Variants in ZSWIM5 observed in about 807,000 individuals in gnomAD.
ZSWIM5 encodes zinc finger SWIM domain-containing protein 5.
ZSWIM5 carries 55 observed loss-of-function variants against 119.6 expected under a neutral mutation model. The ratio of observed to expected loss-of-function variants is 0.46; its 90% CI spans 0.37 to 0.58. The LOEUF (loss-of-function observed/expected upper bound fraction) is 0.58, where lower values mean the gene tolerates loss of function less well. ZSWIM5 is among the 20% of genes least tolerant of loss of function. The probability of loss-of-function intolerance (pLI) is 0.00; values close to 1 mark genes in which losing one functional copy is unlikely to be tolerated. For missense variants in ZSWIM5, 1,193 were observed against 1,512.8 expected (o/e 0.79, Z 3.51); for synonymous variants, 537 against 606.9 (o/e 0.88, Z 1.69).
At chr1:45,097,991 A>T (rs775830637) in intron 1 of ZSWIM5, among the ~76,000 whole-genome samples, 13 of 152,224 alleles carry the variant, frequency 8.5e-5, no homozygotes, top group Non-Finnish European at 1.5e-4. Context: ...TTGAGGAAAT[A>T]ATATTTTGTC....
At chr1:45,104,836 G>A (rs1296913291) in intron 1 of ZSWIM5, among the ~76,000 whole-genome samples, 11 of 152,164 alleles carry the variant, frequency 7.2e-5, no homozygotes, top group Admixed American at 7.2e-4. Context: ...CTCAGCACCA[G>A]CTTCAGCAGC....
At chr1:45,192,521 G>A (rs1283599617) in intron 1 of ZSWIM5, among the ~76,000 whole-genome samples, 1 of 152,136 alleles carries the variant, frequency 6.6e-6, no homozygotes, top group African/African-American at 2.4e-5. Flanking sequence ...AAGGAAGGAA[G>A]GAAGGAAAAT....
intron 1 of ZSWIM5, among the ~76,000 whole-genome samples, chr1:45,149,079 G>A (rs1414492566): frequency 6.6e-6 from 1 of 152,036 alleles, no homozygotes; most frequent in East Asian, 1.9e-4. Context: ...GACCAGCCTG[G>A]GCAATATAGT....
chr1:45,206,495 G>A lies in ZSWIM5; in HGVS notation c.-145C>T, dbSNP rs1483269961. ...AGAGAACCCGCGAGCCAGCCGGCCCGAGTGGGGAACCGCGGCCGGGCCCGG... is the reference window on the plus strand; with the variant it reads ...AGAGAACCCGCGAGCCAGCCGGCCCAAGTGGGGAACCGCGGCCGGGCCCGG... On this transcript the variant is annotated 5_prime_UTR_variant, in exon 1 of 14. Transcript: ENST00000359600. The A allele has an allele frequency of 7.8e-6, 9 of 1,149,390 alleles. No homozygotes were observed. Among genetic ancestry groups the A allele is most frequent in the Non-Finnish European group, 6.4e-6 (6 of 936,248 alleles). 71.2% of individuals were successfully genotyped at this position (1,149,390 alleles called of 1,614,324 possible).
At chr1:45,160,822 A>T (rs1570164862) in intron 1 of ZSWIM5, among the ~76,000 whole-genome samples, 1 of 127,002 alleles carries the variant, frequency 7.9e-6, no homozygotes, top group Non-Finnish European at 1.6e-5. Flanking sequence ...TGCCTGGGTA[A>T]TTTTTTTTTT....
intron 1 of ZSWIM5, among the ~76,000 whole-genome samples, chr1:45,201,553 CAA>C (rs532855443): frequency 8.6e-5 from 13 of 152,046 alleles, no homozygotes; most frequent in African/African-American, 2.2e-4. Context: ...ATTATTGAAA[CAA>C]GAGAAATAAA....
chr1:45,160,915 G>A (rs868867939), intron 1 of ZSWIM5, among the ~76,000 whole-genome samples: 6 of 150,098 alleles, frequency 4.0e-5, no homozygotes, highest in African/African-American at 1.5e-4. Context: ...TCCGCCTCCC[G>A]GGTTCACGCC....
At chr1:45,143,856 A>G (rs1356934577) in intron 1 of ZSWIM5, among the ~76,000 whole-genome samples, 1 of 151,600 alleles carries the variant, frequency 6.6e-6, no homozygotes, top group Non-Finnish European at 1.5e-5. Flanking sequence ...TGCTAGCAAT[A>G]TACAAATACA....
chr1:45,125,094 C>T (rs1277406647), intron 1 of ZSWIM5, among the ~76,000 whole-genome samples: 2 of 152,196 alleles, frequency 1.3e-5, no homozygotes, highest in South Asian at 2.1e-4. Context: ...AGAATTCAAT[C>T]GATATTTATA....
rs367878283 is a variant in ZSWIM5 at position 45,020,678 on chromosome 1, C to T, written c.2560G>A (p.Asp854Asn). 1.5e-5 allele frequency: 24 copies of T among 1,613,962 alleles called. No individual in the cohort carries two copies. Among genetic ancestry groups the T allele is most frequent in the Admixed American group, 1.7e-5 (1 of 60,004 alleles). Reference sequence around the variant, plus strand: ...AGCAGGGTGCTGTCAGTACTACTGTCGGTGGGAGTAGCAATCTTGAATGCA... The same window carrying T: ...AGCAGGGTGCTGTCAGTACTACTGTTGGTGGGAGTAGCAATCTTGAATGCA... ...QDAFKIATPT[D>N]SSTDSTLLNV... The change falls in exon 12 of 14, where the codon GAC becomes AAC. Residue 854 changes from aspartate (D) to asparagine (N), a missense_variant. Asp to Asn is a conservative substitution (Grantham distance 23). Around this residue, in one of 2 missense-constraint regions of ZSWIM5, gnomAD observed 961 missense variants for 1,290.0 expected, o/e 0.74. Coordinates refer to ENST00000359600, the MANE Select transcript of ZSWIM5 (RefSeq NM_020883.2).
rs547587582 is a variant in ZSWIM5 at position 45,195,865 on chromosome 1, TTC to T, written c.595+9889_595+9890del. ...ATAACACTAATAAAGGTGTTAATTT[TTC>T]TTTTTCTTTTTTTTTTTTTTAGACA... On this transcript the variant is annotated intron_variant, in intron 1 of 13. Transcript: ENST00000359600. Among the ~76,000 whole-genome samples, 965 of 151,518 alleles carry T rather than the reference TTC, an allele frequency of 6.4e-3. 5 individuals are homozygous for T. Among genetic ancestry groups the T allele is most frequent in the Non-Finnish European group, 0.01 (708 of 67,890 alleles).
In ZSWIM5 at chr1:45,060,052, A is replaced by C. The variant is rs111723906; in HGVS notation, c.1101+47T>G. 2,324 of 1,608,752 alleles carry C rather than the reference A, an allele frequency of 1.4e-3. 30 individuals are homozygous for C. In the African/African-American group the frequency reaches 0.029, roughly 20 times the overall value. On this transcript the variant is annotated intron_variant, in intron 3 of 13. Transcript: ENST00000359600. ...AGTGTGGTGTGCCCAGTCTGACTTA[A>C]GCTTCTTTTGTCAACAACAAAAGAA... is the stretch of plus-strand genomic sequence containing the variant.
At chr1:45,099,590 C>T (rs867256576) in intron 1 of ZSWIM5, among the ~76,000 whole-genome samples, 8 of 151,984 alleles carry the variant, frequency 5.3e-5, no homozygotes, top group African/African-American at 1.2e-4. Context: ...GGCAGAGACA[C>T]ACAAAAAAAG....
rs538315377 is a variant in ZSWIM5, at chr1:45,072,413, C to T, written c.953-12166G>A. 2.6e-5 allele frequency among the ~76,000 whole-genome samples: 4 copies of T among 152,060 alleles called. No individual in the cohort carries two copies. In the East Asian group the frequency reaches 7.7e-4, roughly 29 times the overall value. On this transcript the variant is annotated intron_variant, in intron 2 of 13. Coordinates refer to ENST00000359600, the MANE Select transcript of ZSWIM5 (RefSeq NM_020883.2). The surrounding 1 kb of genome is among the most constrained non-coding windows in gnomAD (Gnocchi z 4.1). ...CAATTATTTCCTTTCTGTACAGAAG[C>T]TTTTTAACTTGATGTGATCCCATTT... is the stretch of plus-strand genomic sequence containing the variant.
chr1:45,146,478 C>T (rs1645761244), intron 1 of ZSWIM5, among the ~76,000 whole-genome samples: 1 of 115,766 alleles, frequency 8.6e-6, no homozygotes, highest in Non-Finnish European at 1.6e-5. Flanking sequence ...GTCTTGCTCT[C>T]ACCCAGGCTG....
intron 4 of ZSWIM5, among the ~76,000 whole-genome samples, chr1:45,054,827 A>C (rs939837159): frequency 5.9e-5 from 9 of 151,950 alleles, no homozygotes; most frequent in Non-Finnish European, 1.5e-5. Context: ...ATAACCCTTA[A>C]ATTTTCTTCT....
chr1:45,096,751 CT>C (rs1023936119), intron 1 of ZSWIM5, among the ~76,000 whole-genome samples: 1 of 152,188 alleles, frequency 6.6e-6, no homozygotes, highest in Admixed American at 6.5e-5. Context: ...GCTTAGACAG[CT>C]TCCCTACCTG....
intron 2 of ZSWIM5, among the ~76,000 whole-genome samples, chr1:45,082,779 G>T (rs1429919020): frequency 6.6e-6 from 1 of 152,180 alleles, no homozygotes; most frequent in Admixed American, 6.5e-5. Flanking sequence ...CAAAAATTAA[G>T]ATATGGGAAT....
intron 11 of ZSWIM5, among the ~76,000 whole-genome samples, chr1:45,023,544 C>A (rs1340504591): frequency 7.6e-6 from 1 of 130,926 alleles, no homozygotes; most frequent in South Asian, 2.4e-4. Context: ...GAAACCATGT[C>A]TTTTTATTTA....
Sources: allele counts gnomAD v4.1 joint callset (sites outside exome capture counted in the v4.1 genomes callset), GRCh38; gene constraint gnomAD v4.1.1; regional missense constraint gnomAD v4.1.1; non-coding constraint Gnocchi (gnomAD v3.1); transcripts MANE v1.5; gene names NCBI Gene and HGNC (gene_info 2026-07-23, HGNC 2026-07-21).